NPTXR: variants seen among roughly 807,000 people sequenced by gnomAD.
The protein encoded by NPTXR is neuronal pentraxin receptor.
Under a neutral mutation model 32.2 loss-of-function variants are expected in NPTXR, and 12 were observed. The ratio of observed to expected loss-of-function variants is 0.37; its 90% CI spans 0.24 to 0.60. NPTXR has a LOEUF of 0.60. Among genes scored for constraint, NPTXR ranks in the 20% least tolerant of loss-of-function variants. The pLI is 0.66. For missense variants in NPTXR, 612 were observed against 682.9 expected (o/e 0.90, Z 1.16); for synonymous variants, 323 against 315.8 (o/e 1.02, Z -0.24).
At chr22:38,823,432 T>C (rs755941211) in intron 3 of NPTXR, among the ~76,000 whole-genome samples, 170 bp from the exon 4 acceptor site, 33 of 152,252 alleles carry the variant, frequency 2.2e-4, no homozygotes, top group Non-Finnish European at 4.7e-4. Context: ...TCCTGTCTCC[T>C]CTTTCCTCAA....
intron 1 of NPTXR, among the ~76,000 whole-genome samples, chr22:38,835,199 G>A (rs1455067467): frequency 2.7e-5 from 4 of 149,070 alleles, no homozygotes; most frequent in African/African-American, 7.4e-5. Flanking sequence ...CGCAGGTGGC[G>A]GTGCTCCCAG....
At chr22:38,840,683 C>G (rs1444047011) in intron 1 of NPTXR, among the ~76,000 whole-genome samples, 1 of 152,052 alleles carries the variant, frequency 6.6e-6, no homozygotes, top group Non-Finnish European at 1.5e-5. Context: ...GTTGATGGGT[C>G]TGGAGCTTGG....
chr22:38,827,525 T>G (rs865982807), intron 2 of NPTXR, among the ~76,000 whole-genome samples: 2 of 152,184 alleles, frequency 1.3e-5, no homozygotes, highest in South Asian at 4.1e-4. Flanking sequence ...TGAGCCACCA[T>G]GCCTGGGCCT....
intron 1 of NPTXR, among the ~76,000 whole-genome samples, chr22:38,840,913 G>A (rs1259177168): frequency 1.3e-5 from 2 of 152,182 alleles, no homozygotes; most frequent in Non-Finnish European, 2.9e-5. Flanking sequence ...ATGGAGACCT[G>A]CAAGAGGGGA....
Position 38,834,600 on chromosome 22 carries a change from T to TCCATCATC in NPTXR, c.625-6089_625-6088insGATGATGG, listed in dbSNP as rs6147622. 2.4e-3 allele frequency among the ~76,000 whole-genome samples: 360 copies of TCCATCATC among 147,404 alleles called. 1 individual carries two copies. Among genetic ancestry groups the TCCATCATC allele is most frequent in the African/African-American group, 8.5e-3 (340 of 39,952 alleles). On this transcript the variant is annotated intron_variant, in intron 1 of 4. Transcript: ENST00000333039. This position sits in a 1 kb window ranked among gnomAD's most constrained non-coding sequence, Gnocchi z 4.4. The stretch of plus-strand genomic sequence containing the variant: ...ACTCATCCATCCATCCATCCATCCA[T>TCCATCATC]CATCCATCCATCCATCCATCCATCC...
chr22:38,834,962 G>C lies in NPTXR; in HGVS notation c.625-6450C>G, dbSNP rs984861554. On this transcript the variant is annotated intron_variant, in intron 1 of 4. Coordinates refer to ENST00000333039, the MANE Select transcript of NPTXR (RefSeq NM_014293.4). The surrounding 1 kb of genome is among the most constrained non-coding windows in gnomAD (Gnocchi z 4.4). Reference sequence around the variant, plus strand: ...TGTCATGGTGCAGGCCCTGGAGCCAGACTGCCTGGGTGGAAATGCCAGCTG... The same window carrying C: ...TGTCATGGTGCAGGCCCTGGAGCCACACTGCCTGGGTGGAAATGCCAGCTG... Among the ~76,000 whole-genome samples the C allele has an allele frequency of 6.6e-6, 1 of 152,236 alleles. No individual in the cohort carries two copies. The highest frequency in any genetic ancestry group is 2.4e-5 in the African/African-American group (1 of 41,456).
Position 38,830,136 on chromosome 22 carries a change from A to C in NPTXR, c.625-1624T>G, listed in dbSNP as rs114375467. 3.5e-3 allele frequency among the ~76,000 whole-genome samples: 536 copies of C among 152,238 alleles called. 3 individuals carry two copies. Among genetic ancestry groups the C allele is most frequent in the African/African-American group, 0.012 (516 of 41,542 alleles). ...TTGGGAGCTGCCAGTGTGGACAGCA[A>C]TGTGACCTCATTTTGAGGAGTTGCA... On this transcript the variant is annotated intron_variant, in intron 1 of 4. Coordinates refer to ENST00000333039, the MANE Select transcript of NPTXR (RefSeq NM_014293.4).
rs1004882544 is a variant in NPTXR, at chr22:38,821,113, C to T, written c.*1496G>A. ...TTCACCACGTTGGCCAGGCTGACTTCGAACTCCTGACCTCAAGTGATCTGC... is the reference window on the plus strand; with the variant it reads ...TTCACCACGTTGGCCAGGCTGACTTTGAACTCCTGACCTCAAGTGATCTGC... On this transcript the variant is annotated 3_prime_UTR_variant, in exon 5 of 5. Transcript: ENST00000333039. 9.8e-5 allele frequency: 15 copies of T among 152,366 alleles called. No individual in the cohort carries two copies. The highest frequency in any genetic ancestry group is 3.1e-4 in the African/African-American group (13 of 41,562). The allele number at this position is 152,366 out of a possible 1,614,324, so 9.4% of individuals were successfully genotyped here.
rs3042737 is a variant in NPTXR at position 38,834,600 on chromosome 22, TCATCCATC to T, written c.625-6096_625-6089del. On this transcript the variant is annotated intron_variant, in intron 1 of 4. Transcript: ENST00000333039. The surrounding 1 kb of genome is among the most constrained non-coding windows in gnomAD (Gnocchi z 4.4). The stretch of plus-strand genomic sequence containing the variant: ...ACTCATCCATCCATCCATCCATCCA[TCATCCATC>T]CATCCATCCATCCATCCATCCATCC... Among the ~76,000 whole-genome samples the T allele has an allele frequency of 8.8e-5, 13 of 147,414 alleles. No individual in the cohort carries two copies. Among genetic ancestry groups the T allele is most frequent in the East Asian group, 4.1e-4 (2 of 4,880 alleles).
chr22:38,825,622 A>G lies in NPTXR; in HGVS notation c.1098+878T>C, dbSNP rs969264485. On this transcript the variant is annotated intron_variant, in intron 3 of 4. Transcript: ENST00000333039. ...AAGCAAACTGAGGCACAGGGCAAGT[A>G]GAAGACTAGTCTGAGGTCACACAAT... Among the ~76,000 whole-genome samples, 7 of 152,114 alleles carry G rather than the reference A, an allele frequency of 4.6e-5. No individual in the cohort carries two copies. The East Asian group carries it at 1.4e-3, about 29-fold the overall frequency.
rs757248325 is a variant in NPTXR, at chr22:38,820,676, C to T, written c.*1933G>A. On this transcript the variant is annotated 3_prime_UTR_variant, in exon 5 of 5. Coordinates refer to ENST00000333039, the MANE Select transcript of NPTXR (RefSeq NM_014293.4). ...AAGCATCTGACCTCGCGGATGTCTA[C>T]CTGCTTAGGTGTAGACTGAACTCAA... 6.6e-6 allele frequency: 1 copy of T among 152,178 alleles called. No homozygotes were observed. The highest frequency in any genetic ancestry group is 1.5e-5 in the Non-Finnish European group (1 of 68,056). The allele number at this position is 152,178 out of a possible 1,614,324, so 9.4% of individuals were successfully genotyped here.
intron 1 of NPTXR, among the ~76,000 whole-genome samples, chr22:38,828,926 ACTCAGCAAGC>A (rs1328594701): frequency 6.6e-6 from 1 of 152,146 alleles, no homozygotes; most frequent in Non-Finnish European, 1.5e-5. Flanking sequence ...TCATTCCCTC[ACTCAGCAAGC>A]TTCTCTAGAA....
intron 1 of NPTXR, among the ~76,000 whole-genome samples, chr22:38,836,173 C>T (rs1445215058): frequency 6.6e-6 from 1 of 152,134 alleles, no homozygotes; most frequent in Non-Finnish European, 1.5e-5. Context: ...CGCGGGCGGG[C>T]TTGTAAACTC....
At chr22:38,838,573 A>ATTT (rs139377592) in intron 1 of NPTXR, among the ~76,000 whole-genome samples, 2 of 83,188 alleles carry the variant, frequency 2.4e-5, no homozygotes, top group Non-Finnish European at 2.2e-5. Context: ...TCACCTGGCT[A>ATTT]TTTTTTTTTT....
chr22:38,839,195 T>C (rs1437154653), intron 1 of NPTXR, among the ~76,000 whole-genome samples: 1 of 152,184 alleles, frequency 6.6e-6, no homozygotes, highest in Non-Finnish European at 1.5e-5. Flanking sequence ...AAGGATGTGG[T>C]TTATGCCAAA....
chr22:38,819,864 G>A lies in NPTXR; in HGVS notation c.*2745C>T, dbSNP rs934719499. On this transcript the variant is annotated 3_prime_UTR_variant, in exon 5 of 5. Coordinates refer to ENST00000333039, the MANE Select transcript of NPTXR (RefSeq NM_014293.4). Reference sequence around the variant, plus strand: ...GCGGGACCCAAACAGTGGTGCTGGGGAAATTTGTTCCTGTTCCCTTTGGAA... The same window carrying A: ...GCGGGACCCAAACAGTGGTGCTGGGAAAATTTGTTCCTGTTCCCTTTGGAA... 2 of 152,714 alleles carry A rather than the reference G, an allele frequency of 1.3e-5. No homozygotes were observed. The highest frequency in any genetic ancestry group is 2.9e-5 in the Non-Finnish European group (2 of 68,090). 9.5% of individuals were successfully genotyped at this position (152,714 alleles called of 1,614,324 possible). A position where few individuals can be genotyped will look rare whatever the true frequency, so the allele number is the denominator to read the frequency against.
At chr22:38,828,720 G>A (rs1466680338) in intron 1 of NPTXR, among the ~76,000 whole-genome samples, 1 of 152,254 alleles carries the variant, frequency 6.6e-6, no homozygotes, top group Non-Finnish European at 1.5e-5. Flanking sequence ...ACATGACGGC[G>A]AGCAGCAGGC....
Position 38,843,874 on chromosome 22 carries a change from G to A in NPTXR, c.-16C>T, listed in dbSNP as rs1203719311. The A allele has an allele frequency of 2.0e-6, 2 of 990,182 alleles. No individual in the cohort carries two copies. Among genetic ancestry groups the A allele is most frequent in the Non-Finnish European group, 2.4e-6 (2 of 835,670 alleles). The allele number at this position is 990,182 out of a possible 1,614,324, so 61.3% of individuals were successfully genotyped here. ...GGAACTTCAGCGTGAGGCGGGCGGC[G>A]GGGGCGCCCGAGGCCCCCGGCAGGC... On this transcript the variant is annotated 5_prime_UTR_variant, in exon 1 of 5. Coordinates refer to ENST00000333039, the MANE Select transcript of NPTXR (RefSeq NM_014293.4). The surrounding 1 kb of genome is among the most constrained non-coding windows in gnomAD (Gnocchi z 5.3).
Position 38,822,060 on chromosome 22 carries a change from T to TG in NPTXR, c.*548dup, listed in dbSNP as rs10566825. On this transcript the variant is annotated 3_prime_UTR_variant, in exon 5 of 5. Coordinates refer to ENST00000333039, the MANE Select transcript of NPTXR (RefSeq NM_014293.4). ...AAGAGGAGGAAGAGGGAGGCATGGGTGGGGGGGGGGGGAGGCTCCATCGAG... is the reference window on the plus strand; with the variant it reads ...AAGAGGAGGAAGAGGGAGGCATGGGTGGGGGGGGGGGGGAGGCTCCATCGAG... 212 of 84,430 alleles carry TG rather than the reference T, an allele frequency of 2.5e-3. 2 individuals are homozygous for TG. In the East Asian group the frequency reaches 0.035, roughly 14 times the overall value. The allele number at this position is 84,430 out of a possible 1,614,324, so 5.2% of individuals were successfully genotyped here.
Sources: allele counts gnomAD v4.1 joint callset (sites outside exome capture counted in the v4.1 genomes callset), GRCh38; gene constraint gnomAD v4.1.1; non-coding constraint Gnocchi (gnomAD v3.1); transcripts MANE v1.5; gene names NCBI Gene and HGNC (gene_info 2026-07-23, HGNC 2026-07-21).